Variants in POLQ observed in about 807,000 individuals in gnomAD.
POLQ encodes epididymis secretory sperm binding protein.
A neutral mutation model predicts 259.2 loss-of-function variants in POLQ; 233 were observed. That is an observed-to-expected ratio of 0.90 (90% confidence interval 0.81 to 1.00). The LOEUF is 1.00. Among genes scored for constraint, POLQ ranks in the 50% least tolerant of loss-of-function variants. The pLI, the probability that POLQ is intolerant of heterozygous loss-of-function variation, is 0.00. For synonymous variants in POLQ, 1,025 were observed against 1,048.8 expected, an observed-to-expected ratio of 0.98 and a Z score of 0.44; for missense variants, 2,871 against 3,051.6, an observed-to-expected ratio of 0.94 and a Z score of 1.39.
At chr3:121,455,344 CA>C (rs2047724299) in intron 25 of POLQ, among the ~76,000 whole-genome samples, 1 of 143,472 alleles carries the variant, frequency 7.0e-6, no homozygotes, top group African/African-American at 2.6e-5. Flanking sequence ...AGAGCAAACA[CA>C]TTCAAAAGCT....
chr3:121,437,132 G>A (rs1040096960), intron 27 of POLQ, among the ~76,000 whole-genome samples: 4 of 152,106 alleles, frequency 2.6e-5, no homozygotes, highest in Non-Finnish European at 4.4e-5. Flanking sequence ...TACTCAGGAG[G>A]CTAAGGCAAG....
At position 121,489,047 on chromosome 3, in the gene POLQ, G is replaced by A. The variant is rs767612456; in HGVS notation, c.3884C>T (p.Thr1295Ile). The A allele has an allele frequency of 1.2e-6, 2 of 1,613,180 alleles. No individual in the cohort carries two copies. The highest frequency in any genetic ancestry group is 1.7e-5 in the Admixed American group (1 of 59,952). ...AGTTTTGTTTGTTGTATAAGTACCTGTTTTTTCTTGTAGTCTAGAAATATT... is the reference window on the plus strand; with the variant it reads ...AGTTTTGTTTGTTGTATAAGTACCTATTTTTTCTTGTAGTCTAGAAATATT... ...FLNISRLQEK[T>I]GTYTTNKTKN... Residue 1295 changes from threonine to isoleucine, a missense_variant, in exon 16 of 30, where the codon ACA becomes ATA. This residue lies in a region of POLQ where 2,080 missense variants were observed against 2,126.0 expected (regional missense o/e 0.98). Coordinates refer to ENST00000264233, the MANE Select transcript of POLQ (RefSeq NM_199420.4).
chr3:121,503,153 G>A (rs537400636), intron 12 of POLQ, among the ~76,000 whole-genome samples: 1 of 152,246 alleles, frequency 6.6e-6, no homozygotes, highest in Non-Finnish European at 1.5e-5. Flanking sequence ...GTTTAGAAAT[G>A]TCTAGATACA....
chr3:121,460,611 AG>A (rs1172121423), intron 24 of POLQ, among the ~76,000 whole-genome samples: 1 of 152,198 alleles, frequency 6.6e-6, no homozygotes. Flanking sequence ...TCTACAGAAA[AG>A]CTTGCACAGT....
At chr3:121,539,246 A>G (rs1325379283) in intron 4 of POLQ, among the ~76,000 whole-genome samples, 187 bp downstream of exon 4, 1 of 152,172 alleles carries the variant, frequency 6.6e-6, no homozygotes, top group Non-Finnish European at 1.5e-5. Context: ...AACGGAGTCA[A>G]TAACAGCAGC....
At chr3:121,501,226 C>T (rs1367236409) in intron 12 of POLQ, among the ~76,000 whole-genome samples, 1 of 152,008 alleles carries the variant, frequency 6.6e-6, no homozygotes, top group Non-Finnish European at 1.5e-5. Flanking sequence ...TCCCAAAGTG[C>T]TGGGATTACA....
chr3:121,487,665 G>C lies in POLQ; in HGVS notation c.5266C>G (p.Pro1756Ala). ...KLTFPGILET[P>A]VNPWKTNNVL... Reference sequence around the variant, plus strand: ...TTATTAGTTTTCCAAGGGTTTACAGGTGTTTCAAGAATCCCTGGAAATGTC... The same window carrying C: ...TTATTAGTTTTCCAAGGGTTTACAGCTGTTTCAAGAATCCCTGGAAATGTC... The change falls in exon 16 of 30, where the codon CCT becomes GCT. Residue 1756 changes from proline (P) to alanine (A), a missense_variant. Physicochemically the swap from Pro to Ala is conservative, Grantham distance 27. This residue lies in a region of POLQ where 2,080 missense variants were observed against 2,126.0 expected (regional missense o/e 0.98). Transcript: ENST00000264233. 6.2e-7 allele frequency: 1 copy of C among 1,613,638 alleles called. No individual in the cohort carries two copies. Among genetic ancestry groups the C allele is most frequent in the Non-Finnish European group, 8.5e-7 (1 of 1,179,590 alleles).
intron 26 of POLQ, among the ~76,000 whole-genome samples, chr3:121,442,924 A>G (rs924329468): frequency 6.6e-6 from 1 of 152,026 alleles, no homozygotes; most frequent in Non-Finnish European, 1.5e-5. Flanking sequence ...CAGTGGCGTG[A>G]CCTCAGCTCA....
Position 121,493,522 on chromosome 3 carries a change from A to G in POLQ, c.2478T>C (p.Ile826=). 1.2e-6 allele frequency: 2 copies of G among 1,613,906 alleles called. No individual in the cohort carries two copies. Among genetic ancestry groups the G allele is most frequent in the South Asian group, 1.1e-5 (1 of 91,074 alleles). ...TTTTCAGAATCACCTCCACCTCCAC[A>G]ATATTTGCTCTAGCAAGGTCTGCCA... The part of the protein sequence containing the change: ...HTVADLARAN[I]VEVEVILKNA... Residue 826 remains isoleucine, a synonymous_variant, in exon 15 of 30, where the codon ATT becomes ATC. Transcript: ENST00000264233.
intron 12 of POLQ, among the ~76,000 whole-genome samples, chr3:121,500,315 T>C (rs1442424462): frequency 7.6e-6 from 1 of 131,338 alleles, no homozygotes; most frequent in Non-Finnish European, 1.7e-5. Context: ...GTAACTAAAA[T>C]GGGGTTTATT....
At chr3:121,460,842 T>C (rs542538825) in intron 24 of POLQ, among the ~76,000 whole-genome samples, 25 of 152,204 alleles carry the variant, frequency 1.6e-4, no homozygotes, top group Non-Finnish European at 2.6e-4. Flanking sequence ...AATGGGTGGA[T>C]TAGATATGCA....
chr3:121,468,821 AAAC>A (rs1442248908), intron 22 of POLQ, among the ~76,000 whole-genome samples: 1 of 152,202 alleles, frequency 6.6e-6, no homozygotes, highest in African/African-American at 2.4e-5. Context: ...ACGCTTCTAA[AAAC>A]AACACTTTCA....
At chr3:121,498,138 C>T (rs1193103464) in intron 13 of POLQ, among the ~76,000 whole-genome samples, 2 of 151,852 alleles carry the variant, frequency 1.3e-5, no homozygotes, top group East Asian at 3.9e-4. Flanking sequence ...TGGAGAAACC[C>T]CATCTCTATT....
chr3:121,442,891 A>G (rs1344130713), intron 26 of POLQ, among the ~76,000 whole-genome samples: 1 of 151,830 alleles, frequency 6.6e-6, no homozygotes, highest in Non-Finnish European at 1.5e-5. Flanking sequence ...ATGGAGTCTC[A>G]CTCTGTTGCC....
rs75303134 is a variant in POLQ, at chr3:121,493,782, C to A, written c.2279-61G>T. 4,222 of 1,457,224 alleles carry A rather than the reference C, an allele frequency of 2.9e-3. 104 individuals carry two copies. In the African/African-American group the frequency reaches 0.051, roughly 18 times the overall value. 90.3% of individuals were successfully genotyped at this position (1,457,224 alleles called of 1,614,324 possible). A position where few individuals can be genotyped will look rare whatever the true frequency, so the allele number is the denominator to read the frequency against. The stretch of plus-strand genomic sequence containing the variant: ...TTTTTTACAGACGAATTCTCCATTT[C>A]TTTAGATGTATTTATATTTTCTTTT... On this transcript the variant is annotated intron_variant, in intron 14 of 29. Coordinates refer to ENST00000264233, the MANE Select transcript of POLQ (RefSeq NM_199420.4).
Position 121,533,167 on chromosome 3 carries a change from G to A in POLQ, c.783C>T (p.Ile261=), listed in dbSNP as rs374632964. 65 of 1,613,650 alleles carry A rather than the reference G, an allele frequency of 4.0e-5. 1 individual carries two copies. The Middle Eastern group carries it at 1.2e-3, about 29-fold the overall frequency. The change falls in exon 6 of 30, where the codon ATC becomes ATT. Residue 261 remains isoleucine (I), a synonymous_variant. Transcript: ENST00000264233. ...TAGGAAGGGTAGCACTCATGCCAAC[G>A]ATTTGCACAGCATTAGACAGAGAAC... is the stretch of plus-strand genomic sequence containing the variant. ...LASSLSNAVQ[I]VGMSATLPNL...
At chr3:121,540,056 T>C (rs1483544234) in intron 3 of POLQ, among the ~76,000 whole-genome samples, 1 of 151,790 alleles carries the variant, frequency 6.6e-6, no homozygotes, top group Admixed American at 6.6e-5. Flanking sequence ...ACTTTAATAA[T>C]AATTTTTTTT....
At chr3:121,529,201 C>G (rs2048393490) in intron 7 of POLQ, among the ~76,000 whole-genome samples, 1 of 95,410 alleles carries the variant, frequency 1.0e-5, no homozygotes, top group Non-Finnish European at 2.4e-5. Flanking sequence ...AATTCAAACC[C>G]ATGTCATTCA....
At chr3:121,501,841 T>A (rs2108804174) in intron 12 of POLQ, among the ~76,000 whole-genome samples, 1 of 149,894 alleles carries the variant, frequency 6.7e-6, no homozygotes, top group Admixed American at 6.7e-5. Flanking sequence ...CAAAAAAAAA[T>A]TACCCAGGAG....
Sources: gnomAD v4.1 joint callset for allele counts (sites outside exome capture counted in the v4.1 genomes callset) on GRCh38, gnomAD v4.1.1 for gene constraint, gnomAD v4.1.1 regional missense constraint, MANE v1.5 for transcripts, NCBI Gene and HGNC (gene_info 2026-07-23, HGNC 2026-07-21) for gene names.